MUC4: variants seen among roughly 807,000 people sequenced by gnomAD.
The protein encoded by MUC4 is mucin-4.
MUC4 carries 202 observed loss-of-function variants against 257.9 expected under a neutral mutation model. The ratio of observed to expected loss-of-function variants is 0.78; its 90% CI spans 0.70 to 0.88. The LOEUF (loss-of-function observed/expected upper bound fraction) is 0.88. Ranked by LOEUF, MUC4 falls within the 40% of genes least tolerant of loss-of-function variation. The pLI is 0.00. For synonymous variants in MUC4, 2,351 were observed against 2,757.1 expected, an observed-to-expected ratio of 0.85 and a Z score of 4.62; for missense variants, 5,976 against 6,513.7, an observed-to-expected ratio of 0.92 and a Z score of 2.84.
In MUC4 at chr3:195,753,111, C is replaced by G. The variant is rs1427815681; in HGVS notation, c.15448G>C (p.Ala5150Pro). 9.3e-6 allele frequency: 15 copies of G among 1,612,054 alleles called. No homozygotes were observed. The highest frequency in any genetic ancestry group is 1.3e-5 in the African/African-American group (1 of 74,822). ...AGGAAGCAGCGGCTGTCAGTGAAGG[C>G]TGGGGGGCAGGTGCACATGGGCTGA... ...GCQPMCTCPP[A>P]FTDSRCFLAG... The change falls in exon 20 of 25, where the codon GCC (alanine) becomes CCC (proline). Residue 5150 changes from alanine to proline, a missense_variant. Physicochemically the swap from Ala to Pro is conservative, Grantham distance 27. This residue lies in a region of MUC4 where 996 missense variants were observed against 1,137.3 expected (regional missense o/e 0.88). Coordinates refer to ENST00000463781, the MANE Select transcript of MUC4 (RefSeq NM_018406.7).
chr3:195,783,233 TG>T lies in MUC4; in HGVS notation c.8346del (p.Thr2783ProfsTer221). The T allele has an allele frequency of 7.3e-7, 1 of 1,363,338 alleles. No individual in the cohort carries two copies. Among genetic ancestry groups the T allele is most frequent in the Non-Finnish European group, 1.0e-6 (1 of 995,228 alleles). 84.5% of individuals were successfully genotyped at this position (1,363,338 alleles called of 1,614,324 possible). ...TNTSSVSTGH[A>X]TPLHVTSPSS... ...GAAGGGCTGGTGACATGAAGAGGGG[TG>T]GCGTGACCTGTGGATACTGAGGAAG... On this transcript the variant is annotated frameshift_variant, in exon 2 of 25. Transcript: ENST00000463781. LOFTEE classifies it high-confidence loss of function.
intron 1 of MUC4, among the ~76,000 whole-genome samples, chr3:195,807,941 G>A (rs908067859): frequency 1.3e-5 from 2 of 152,254 alleles, no homozygotes; most frequent in East Asian, 1.9e-4. Flanking sequence ...AACCAAGGGC[G>A]TGGCGGGACT....
intron 3 of MUC4, among the ~76,000 whole-genome samples, chr3:195,776,248 A>G (rs1296597512): frequency 4.3e-4 from 27 of 62,480 alleles, no homozygotes; most frequent in Non-Finnish European, 6.2e-4. Flanking sequence ...TACCTTCCAC[A>G]CCCATACCTT....
chr3:195,774,047 T>G, intron 4 of MUC4, 125 bp downstream of exon 4: 1 of 1,257,996 alleles, frequency 7.9e-7, no homozygotes, highest in Non-Finnish European at 1.1e-6. Context: ...AAGGAGGCTG[T>G]GGGGATGGAC....
chr3:195,807,361 G>A (rs746362747), intron 1 of MUC4, among the ~76,000 whole-genome samples: 12 of 152,036 alleles, frequency 7.9e-5, no homozygotes, highest in African/African-American at 9.7e-5. Context: ...CCAGCTACTC[G>A]GGAGGCTGAG....
In MUC4 at chr3:195,789,353, A is replaced by C. The variant is rs534053468; in HGVS notation, c.2227T>G (p.Ser743Ala). ...GGGCCCCCTGGTGTTGACACTACAG[A>C]GTTGGCCAGAGTAAGGGCACCTGTT... Reference protein sequence around the residue: ...SKTGALTLANSVVSTPGGPEG... With the variant: ...SKTGALTLANAVVSTPGGPEG... Residue 743 changes from serine to alanine, a missense_variant, in exon 2 of 25, where the codon TCT (serine) becomes GCT (alanine). Coordinates refer to ENST00000463781, the MANE Select transcript of MUC4 (RefSeq NM_018406.7). 2 of 1,613,704 alleles carry C rather than the reference A, an allele frequency of 1.2e-6. No homozygotes were observed. Among genetic ancestry groups the C allele is most frequent in the Non-Finnish European group, 1.7e-6 (2 of 1,179,866 alleles).
rs910403912 is a variant in MUC4 at position 195,810,238 on chromosome 3, C to T, written c.82+1498G>A. 1 of 152,352 alleles carries T rather than the reference C, an allele frequency of 6.6e-6. No individual in the cohort carries two copies. Among genetic ancestry groups the T allele is most frequent in the African/African-American group, 2.4e-5 (1 of 41,472 alleles). The allele number at this position is 152,352 out of a possible 1,614,324, so 9.4% of individuals were successfully genotyped here. On this transcript the variant is annotated intron_variant, in intron 1 of 24. Transcript: ENST00000463781. The surrounding 1 kb of genome is among the most constrained non-coding windows in gnomAD (Gnocchi z 4.2). ...TCACCAGCATGGCTTCTCTTGCAGC[C>T]TTTAAACGGCACTCGCCTTCTGACT...
At position 195,782,090 on chromosome 3, in the gene MUC4, C is replaced by T. The variant is rs755290294; in HGVS notation, c.9490G>A (p.Gly3164Ser). The T allele has an allele frequency of 1.5e-6, 2 of 1,371,442 alleles. No individual in the cohort carries two copies. The highest frequency in any genetic ancestry group is 2.8e-5 in the South Asian group (2 of 70,454). 85.0% of individuals were successfully genotyped at this position (1,371,442 alleles called of 1,614,324 possible). A position where few individuals can be genotyped will look rare whatever the true frequency, so the allele number is the denominator to read the frequency against. Reference sequence around the variant, plus strand: ...GTGACAGGAAGAGGGGTGGCCTGACCTGTGGATGCTGAGGAAGTGTCGGTG... The same window carrying T: ...GTGACAGGAAGAGGGGTGGCCTGACTTGTGGATGCTGAGGAAGTGTCGGTG... The part of the protein sequence containing the change: ...PVTDTSSAST[G>S]QATPLPVTSL... The change falls in exon 2 of 25, where the codon GGT becomes AGT. Residue 3164 changes from glycine to serine, a missense_variant. Gly to Ser is a moderately conservative substitution (Grantham distance 56, BLOSUM62 0). This residue lies in a region of MUC4 where 128 missense variants were observed against 104.8 expected (regional missense o/e 1.22). Coordinates refer to ENST00000463781, the MANE Select transcript of MUC4 (RefSeq NM_018406.7).
chr3:195,787,434 A>C lies in MUC4; in HGVS notation c.4146T>G (p.Leu1382=). The C allele has an allele frequency of 1.4e-6, 1 of 734,312 alleles. No homozygotes were observed. Among genetic ancestry groups the C allele is most frequent in the East Asian group, 3.3e-5 (1 of 30,512 alleles). 45.5% of individuals were successfully genotyped at this position (734,312 alleles called of 1,614,324 possible). ...GQATPLPVTS[L]SSVSTGDTTP... ...TGGTGTCACCTGTGGATACTGAGGA[A>C]AGGCTGGTGACAGGAAGAGGGGTGG... Residue 1382 remains leucine (L), a synonymous_variant, in exon 2 of 25, where the codon CTT becomes CTG. Transcript: ENST00000463781.
At chr3:195,811,657 CG>C in intron 1 of MUC4, 78 bp downstream of exon 1, 1 of 1,291,528 alleles carries the variant, frequency 7.7e-7, no homozygotes, top group Non-Finnish European at 1.1e-6. Context: ...TCTGTCTCCC[CG>C]GACCTCTTTC....
Position 195,786,695 on chromosome 3 carries a change from C to T in MUC4, c.4885G>A (p.Asp1629Asn), listed in dbSNP as rs78438024. ...VTDTSSASTG[D>N]TTPLPVTNAS... ...TTGGTGACAGGAAGAGGGGTGGTGT[C>T]ACCTGTGGATGCTGAGGAAGTGTCG... Residue 1629 changes from aspartate (D) to asparagine (N), a missense_variant, in exon 2 of 25, where the codon GAC (aspartate) becomes AAC (asparagine). Asp to Asn is a conservative substitution (Grantham distance 23, BLOSUM62 1). This residue lies in a region of MUC4 where 61 missense variants were observed against 100.2 expected (regional missense o/e 0.61). Coordinates refer to ENST00000463781, the MANE Select transcript of MUC4 (RefSeq NM_018406.7). The T allele has an allele frequency of 8.5e-6, 12 of 1,412,134 alleles. No individual in the cohort carries two copies. The African/African-American group carries it at 1.9e-4, about 22-fold the overall frequency. 87.5% of individuals were successfully genotyped at this position (1,412,134 alleles called of 1,614,324 possible).
chr3:195,759,250 G>A lies in MUC4; in HGVS notation c.14860C>T (p.Pro4954Ser), dbSNP rs1718285296. 5.0e-6 allele frequency: 8 copies of A among 1,614,054 alleles called. No individual in the cohort carries two copies. In the East Asian group the frequency reaches 1.8e-4, roughly 36 times the overall value. The change falls in exon 17 of 25, where the codon CCC (proline) becomes TCC (serine). Residue 4954 changes from proline to serine, a missense_variant. By Grantham distance (74) the Pro-to-Ser change is moderately conservative. Transcript: ENST00000463781. ...QANATLNQYP[P>S]SINGGRVIEA... ...ATCACACGACCACCATTGATGGAGG[G>A]CGGGTACTGATCTGAAACACAAAGA... is the stretch of plus-strand genomic sequence containing the variant.
At position 195,783,887 on chromosome 3, in the gene MUC4, CGGTGACAGGAAGAGAGGTGGCGTG is replaced by C. The variant is rs1560348227; in HGVS notation, c.7669_7692del (p.His2557_Thr2564del). On this transcript the variant is annotated inframe_deletion, in exon 2 of 25. Transcript: ENST00000463781. ...TGACCTGTGGATGCTGCGGAAGTGT[CGGTGACAGGAAGAGAGGTGGCGTG>C]ACCTGTGGATGCTGAGGAAGGGCTG... is the stretch of plus-strand genomic sequence containing the variant. 7.3e-7 allele frequency: 1 copy of C among 1,363,248 alleles called. No homozygotes were observed. Among genetic ancestry groups the C allele is most frequent in the African/African-American group, 2.2e-5 (1 of 44,826 alleles). 84.4% of individuals were successfully genotyped at this position (1,363,248 alleles called of 1,614,324 possible).
At chr3:195,759,781 T>C (rs747904471) in intron 16 of MUC4, among the ~76,000 whole-genome samples, 18 of 152,012 alleles carry the variant, frequency 1.2e-4, no homozygotes, top group Admixed American at 5.9e-4. Context: ...TAGTCAGGCA[T>C]GGTGGCGGGT....
At chr3:195,771,324 G>T (rs1409293568) in intron 5 of MUC4, among the ~76,000 whole-genome samples, 16 of 139,566 alleles carry the variant, frequency 1.1e-4, no homozygotes, top group Non-Finnish European at 1.2e-4. Context: ...GGTATTCCTG[G>T]TCAGTCTCGT....
rs1719715921 is a variant in MUC4 at position 195,763,553 on chromosome 3, G to A, written c.14133C>T (p.Ala4711=). The A allele has an allele frequency of 3.8e-6, 6 of 1,590,688 alleles. No individual in the cohort carries two copies. Among genetic ancestry groups the A allele is most frequent in the Non-Finnish European group, 5.1e-6 (6 of 1,167,746 alleles). The part of the protein sequence containing the change: ...NGLGDFLLVG[A]QDGNSSFLLQ... ...GCAGGAAGGAGGAGTTCCCGTCTTG[G>A]GCCCCGACCAGCAGGAAGTCCCCCA... The change falls in exon 12 of 25, where the codon GCC becomes GCT. Residue 4711 remains alanine (A), a synonymous_variant. Coordinates refer to ENST00000463781, the MANE Select transcript of MUC4 (RefSeq NM_018406.7).
chr3:195,806,712 T>A (rs1156701601), intron 1 of MUC4, among the ~76,000 whole-genome samples: 1 of 152,230 alleles, frequency 6.6e-6, no homozygotes, highest in African/African-American at 2.4e-5. Flanking sequence ...CGAAAGGCTG[T>A]GTGCTGCAGT....
At chr3:195,811,137 TTTATTTTA>T (rs1353540506) in intron 1 of MUC4, among the ~76,000 whole-genome samples, 1 of 148,952 alleles carries the variant, frequency 6.7e-6, no homozygotes, top group African/African-American at 2.5e-5. Flanking sequence ...TATTTTTTAT[TTTATTTTA>T]TATTTATTTA....
intron 1 of MUC4, among the ~76,000 whole-genome samples, chr3:195,800,107 A>G (rs771990591): frequency 2.6e-5 from 4 of 152,048 alleles, no homozygotes; most frequent in Non-Finnish European, 5.9e-5. Context: ...ATGAAACCCC[A>G]TCTCTACTAA....
Sources: gnomAD v4.1 joint callset for allele counts (sites outside exome capture counted in the v4.1 genomes callset) on GRCh38, gnomAD v4.1.1 for gene constraint, gnomAD v4.1.1 regional missense constraint, Gnocchi (gnomAD v3.1) non-coding constraint, MANE v1.5 for transcripts, NCBI Gene and HGNC (gene_info 2026-07-23, HGNC 2026-07-21) for gene names.